MAPKAPK3: variants seen among roughly 807,000 people sequenced by gnomAD.
MAPKAPK3 encodes the protein MAPK activated protein kinase 3, also known as MAP kinase-activated protein kinase 3.
Under a neutral mutation model 49.2 loss-of-function variants are expected in MAPKAPK3, and 35 were observed. The ratio of observed to expected loss-of-function variants is 0.71; its 90% CI spans 0.54 to 0.94. The LOEUF (loss-of-function observed/expected upper bound fraction) is 0.94. MAPKAPK3 is among the 40% of genes least tolerant of loss of function. The pLI, the probability that MAPKAPK3 is intolerant of heterozygous loss-of-function variation, is 0.00. For missense variants in MAPKAPK3, 398 were observed against 493.1 expected (o/e 0.81, Z 1.83); for synonymous variants, 178 against 188.7 (o/e 0.94, Z 0.46).
At chr3:50,611,749 G>C (rs2107562311), upstream of MAPKAPK3, 1 of 1,380,296 alleles carries the variant, frequency 7.2e-7, no homozygotes, top group South Asian at 1.6e-5. Context: ...TAGGCTCCCG[G>C]GGCGCGCGGG....
chr3:50,640,082 G>A (rs752980011), intron 2 of MAPKAPK3, among the ~76,000 whole-genome samples: 1 of 152,150 alleles, frequency 6.6e-6, no homozygotes, highest in African/African-American at 2.4e-5. Context: ...CATCTGAGAA[G>A]GGAAGCAAGG....
intron 2 of MAPKAPK3, among the ~76,000 whole-genome samples, chr3:50,627,014 T>C (rs2032764780): frequency 6.6e-6 from 1 of 151,932 alleles, no homozygotes; most frequent in South Asian, 2.1e-4. Context: ...TGAAACCCCG[T>C]CTCTACTAAA....
chr3:50,641,722 G>A lies in MAPKAPK3; in HGVS notation c.375G>A (p.Glu125=), dbSNP rs376480526. Residue 125 remains glutamate (E), a synonymous_variant, in exon 4 of 11, where the codon GAG becomes GAA. Coordinates refer to ENST00000621469, the MANE Select transcript of MAPKAPK3 (RefSeq NM_001243925.2). ...TCTTTTACAGCATGGAAGGTGGTGA[G>A]TTGTTCAGCAGGATTCAGGAGCGTG... ...LIIMECMEGG[E]LFSRIQERGD... The A allele has an allele frequency of 2.5e-6, 4 of 1,614,056 alleles. No homozygotes were observed. In the African/African-American group the frequency reaches 5.3e-5, roughly 22 times the overall value.
intron 2 of MAPKAPK3, among the ~76,000 whole-genome samples, chr3:50,637,752 C>T (rs1282947478): frequency 6.6e-6 from 1 of 150,424 alleles, no homozygotes; most frequent in African/African-American, 2.5e-5. Flanking sequence ...AGAGATTGAT[C>T]GATCTGAATT....
chr3:50,617,522 A>T lies in MAPKAPK3; in HGVS notation c.-44A>T. On this transcript the variant is annotated 5_prime_UTR_variant, in exon 2 of 11. Coordinates refer to ENST00000621469, the MANE Select transcript of MAPKAPK3 (RefSeq NM_001243925.2). ...CTTCCCCTTTCCCCCAGGTGCCACTAGAAGCGCCAGGCTGGGGCCGCCTCT... is the reference window on the plus strand; with the variant it reads ...CTTCCCCTTTCCCCCAGGTGCCACTTGAAGCGCCAGGCTGGGGCCGCCTCT... The T allele has an allele frequency of 1.1e-6, 1 of 943,224 alleles. No individual in the cohort carries two copies. Among genetic ancestry groups the T allele is most frequent in the African/African-American group, 1.6e-5 (1 of 61,568 alleles). 58.4% of individuals were successfully genotyped at this position (943,224 alleles called of 1,614,324 possible).
chr3:50,632,460 ATGTCTGAAATACTGT>A (rs2107586647), intron 2 of MAPKAPK3, among the ~76,000 whole-genome samples: 1 of 152,332 alleles, frequency 6.6e-6, no homozygotes, highest in South Asian at 2.1e-4. Flanking sequence ...GAATTATAAA[ATGTCTGAAATACTGT>A]TGTTAATAAG....
rs923053708 is a variant in MAPKAPK3 at position 50,647,254 on chromosome 3, A to G, written c.996+51A>G. 6 of 1,463,882 alleles carry G rather than the reference A, an allele frequency of 4.1e-6. No homozygotes were observed. The African/African-American group carries it at 4.2e-5, about 10-fold the overall frequency. The allele number at this position is 1,463,882 out of a possible 1,614,324, so 90.7% of individuals were successfully genotyped here. ...ATACAGGTGCCAGGATTTGGGCAAA[A>G]GGGACTTCAGGGGGGTGGCTACCCA... On this transcript the variant is annotated intron_variant, in intron 10 of 10. Transcript: ENST00000621469.
At chr3:50,635,946 A>T (rs76202098) in intron 2 of MAPKAPK3, among the ~76,000 whole-genome samples, 1 of 137,546 alleles carries the variant, frequency 7.3e-6, no homozygotes. Flanking sequence ...AAAAAAAAAA[A>T]CCAAAAAAAA....
At chr3:50,635,705 A>C (rs1162955977) in intron 2 of MAPKAPK3, among the ~76,000 whole-genome samples, 1 of 151,362 alleles carries the variant, frequency 6.6e-6, no homozygotes, top group Non-Finnish European at 1.5e-5. Flanking sequence ...GTCAGCCACC[A>C]CGCCTGGCCA....
chr3:50,619,104 G>A (rs2032546165), intron 2 of MAPKAPK3, among the ~76,000 whole-genome samples: 1 of 152,250 alleles, frequency 6.6e-6, no homozygotes, highest in Non-Finnish European at 1.5e-5. Context: ...TGGAAGCCAG[G>A]TTTCTGCATC....
chr3:50,623,555 C>T (rs975686164), intron 2 of MAPKAPK3, among the ~76,000 whole-genome samples: 4 of 152,210 alleles, frequency 2.6e-5, no homozygotes, highest in Admixed American at 2.0e-4. Context: ...TCTGATACCC[C>T]CATAAACGGC....
chr3:50,626,613 C>A (rs1001697209), intron 2 of MAPKAPK3, among the ~76,000 whole-genome samples: 14 of 152,220 alleles, frequency 9.2e-5, no homozygotes, highest in African/African-American at 3.4e-4. Context: ...GGCAGGTGTT[C>A]TCCGTGCTTT....
upstream of MAPKAPK3, among the ~76,000 whole-genome samples, chr3:50,616,127 T>C (rs2032458314): frequency 6.6e-6 from 1 of 152,180 alleles, no homozygotes; most frequent in South Asian, 2.1e-4. Flanking sequence ...CAGAGGCCCA[T>C]GCAGAGCCCC....
At chr3:50,639,790 A>G (rs1576011303) in intron 2 of MAPKAPK3, among the ~76,000 whole-genome samples, 1 of 151,632 alleles carries the variant, frequency 6.6e-6, no homozygotes, top group African/African-American at 2.4e-5. Context: ...GTGTTAGTGC[A>G]CCCTCTCCCC....
intron 2 of MAPKAPK3, among the ~76,000 whole-genome samples, chr3:50,634,376 A>G (rs1393597948): frequency 6.6e-6 from 1 of 152,112 alleles, no homozygotes; most frequent in Non-Finnish European, 1.5e-5. Context: ...CCCAAGTGCC[A>G]TCACAGACCC....
intron 2 of MAPKAPK3, among the ~76,000 whole-genome samples, chr3:50,635,698 A>G (rs1012556344): frequency 6.6e-6 from 1 of 151,738 alleles, no homozygotes; most frequent in South Asian, 2.1e-4. Context: ...TACAGGCGTC[A>G]GCCACCACGC....
At chr3:50,644,566 C>T in intron 6 of MAPKAPK3, 34 bp downstream of exon 6, 1 of 1,611,748 alleles carries the variant, frequency 6.2e-7, no homozygotes, top group Non-Finnish European at 8.5e-7. Context: ...TAACTCCTCA[C>T]CCCAACTTAT....
At chr3:50,614,500 A>AGTGTGTGTGTGTGTGTGT (rs3066739), upstream of MAPKAPK3, among the ~76,000 whole-genome samples, 187 of 138,936 alleles carry the variant, frequency 1.3e-3, 4 homozygotes, top group African/African-American at 3.6e-3. Flanking sequence ...GTAAGGACAG[A>AGTGTGTGTGTGTGTGTGT]GTGTGTGTGT....
intron 10 of MAPKAPK3, 58 bp downstream of exon 10, chr3:50,647,261 T>G: frequency 1.4e-6 from 2 of 1,441,762 alleles, no homozygotes; most frequent in Non-Finnish European, 1.9e-6. Flanking sequence ...AAAAGGGACT[T>G]CAGGGGGGTG....
Sources: gnomAD v4.1 joint callset for allele counts (sites outside exome capture counted in the v4.1 genomes callset) on GRCh38, gnomAD v4.1.1 for gene constraint, MANE v1.5 for transcripts, NCBI Gene and HGNC (gene_info 2026-07-23, HGNC 2026-07-21) for gene names.